DOCK3: variants seen among roughly 807,000 people sequenced by gnomAD.
DOCK3 encodes dedicator of cytokinesis 3.
DOCK3 carries 60 observed loss-of-function variants against 265.6 expected under a neutral mutation model. The observed-to-expected ratio is 0.23, with a 90% CI of 0.18 to 0.28. DOCK3 has a LOEUF of 0.28. Among genes scored for constraint, DOCK3 ranks in the 10% least tolerant of loss-of-function variants. DOCK3 has a pLI of 1.00. For missense variants in DOCK3, 1,981 were observed against 2,594.3 expected (o/e 0.76, Z 5.14); for synonymous variants, 881 against 938.0 (o/e 0.94, Z 1.11).
intron 1 of DOCK3, among the ~76,000 whole-genome samples, chr3:50,726,852 A>T (rs970820878): frequency 6.6e-6 from 1 of 152,218 alleles, no homozygotes; most frequent in Non-Finnish European, 1.5e-5. Context: ...TTTAACAAAA[A>T]AAATTGTGAG....
chr3:51,162,037 T>C (rs2107540620), intron 12 of DOCK3, among the ~76,000 whole-genome samples: 1 of 152,170 alleles, frequency 6.6e-6, no homozygotes, highest in Non-Finnish European at 1.5e-5. Flanking sequence ...TAGACACAAA[T>C]TGTAGTGCTA....
intron 12 of DOCK3, among the ~76,000 whole-genome samples, chr3:51,203,276 C>G (rs1576400227): frequency 6.6e-6 from 1 of 152,094 alleles, no homozygotes; most frequent in Non-Finnish European, 1.5e-5. Context: ...ACCCCATTGT[C>G]TCAGCCCAAA....
chr3:50,718,947 CTAATTTTT>C (rs2037302079), intron 1 of DOCK3, among the ~76,000 whole-genome samples: 1 of 151,904 alleles, frequency 6.6e-6, no homozygotes, highest in African/African-American at 2.4e-5. Flanking sequence ...CCATGCCCGG[CTAATTTTT>C]TGTATTTTTT....
intron 5 of DOCK3, among the ~76,000 whole-genome samples, chr3:50,942,763 T>C (rs2076329371): frequency 6.6e-6 from 1 of 152,024 alleles, no homozygotes; most frequent in Non-Finnish European, 1.5e-5. Flanking sequence ...GGAAAGCTTT[T>C]AGGTATGTTT....
intron 5 of DOCK3, among the ~76,000 whole-genome samples, chr3:50,944,395 G>A (rs1011583863): frequency 4.6e-5 from 7 of 152,124 alleles, no homozygotes; most frequent in Non-Finnish European, 8.8e-5. Flanking sequence ...TCTCAATACT[G>A]CACTTGACTG....
chr3:50,766,949 T>C (rs2040923291), intron 1 of DOCK3, among the ~76,000 whole-genome samples: 1 of 152,216 alleles, frequency 6.6e-6, no homozygotes, highest in South Asian at 2.1e-4. Context: ...TCATATCCTT[T>C]GCCCACTTTT....
intron 5 of DOCK3, among the ~76,000 whole-genome samples, chr3:50,974,511 G>A (rs1334911925): frequency 6.6e-6 from 1 of 151,776 alleles, no homozygotes. Context: ...CTCTGTTTTG[G>A]TACCAGTAGC....
At chr3:51,019,169 G>A (rs550069293) in intron 5 of DOCK3, among the ~76,000 whole-genome samples, 36 of 151,768 alleles carry the variant, frequency 2.4e-4, no homozygotes, top group African/African-American at 6.6e-4. Flanking sequence ...TATACCTAGC[G>A]CTTTTTATGT....
At chr3:51,262,017 G>A (rs192136953) in intron 23 of DOCK3, among the ~76,000 whole-genome samples, 112 of 152,298 alleles carry the variant, frequency 7.4e-4, no homozygotes, top group African/African-American at 2.4e-3. Flanking sequence ...CCTGCCTGCC[G>A]GCTCTGAAGG....
chr3:51,020,513 C>T (rs2079537275), intron 5 of DOCK3, among the ~76,000 whole-genome samples: 2 of 151,772 alleles, frequency 1.3e-5, no homozygotes, highest in Non-Finnish European at 1.5e-5. Context: ...TTTGCAATTG[C>T]TTTTAGTGTT....
chr3:51,065,580 A>G (rs2081562476), intron 6 of DOCK3, among the ~76,000 whole-genome samples: 1 of 152,218 alleles, frequency 6.6e-6, no homozygotes, highest in Non-Finnish European at 1.5e-5. Flanking sequence ...AGTCTACCCC[A>G]ATCAATGAGC....
intron 50 of DOCK3, among the ~76,000 whole-genome samples, 180 bp from the exon 51 acceptor site, chr3:51,375,568 C>G (rs2088041210): frequency 6.6e-6 from 1 of 152,192 alleles, no homozygotes. Context: ...ACCAGACACC[C>G]TGGACAGTCT....
intron 1 of DOCK3, among the ~76,000 whole-genome samples, chr3:50,702,373 CT>C (rs1222015591): frequency 1.3e-5 from 2 of 148,362 alleles, no homozygotes; most frequent in Non-Finnish European, 3.0e-5. Context: ...CTGATTTTTT[CT>C]TTTTTTTTAG....
At chr3:51,307,117 C>T (rs991184314) in intron 27 of DOCK3, among the ~76,000 whole-genome samples, 3 of 152,018 alleles carry the variant, frequency 2.0e-5, no homozygotes, top group Admixed American at 6.6e-5. Context: ...TTATTGGACT[C>T]ATTGCTTTTT....
intron 7 of DOCK3, among the ~76,000 whole-genome samples, chr3:51,084,875 A>G (rs2082365049): frequency 6.6e-6 from 1 of 152,226 alleles, no homozygotes; most frequent in African/African-American, 2.4e-5. Context: ...CAATTAAAAA[A>G]TATAGACTGC....
At chr3:51,288,984 G>C (rs1042011455) in intron 27 of DOCK3, among the ~76,000 whole-genome samples, 1 of 151,790 alleles carries the variant, frequency 6.6e-6, no homozygotes, top group African/African-American at 2.4e-5. Context: ...AGAGGAAAGG[G>C]AGTAGCCTGG....
chr3:51,352,627 G>A (rs2086078324), intron 40 of DOCK3, among the ~76,000 whole-genome samples: 4 of 152,194 alleles, frequency 2.6e-5, no homozygotes, highest in Admixed American at 1.3e-4. Context: ...CAATCTCAAC[G>A]AGAGGCATAA....
chr3:51,114,361 G>A (rs1320390495), intron 9 of DOCK3, among the ~76,000 whole-genome samples: 1 of 152,202 alleles, frequency 6.6e-6, no homozygotes, highest in Non-Finnish European at 1.5e-5. Context: ...AGCAGAGATA[G>A]GGTGAGGCAG....
In DOCK3 at chr3:51,381,272, C is replaced by T; in HGVS notation, c.5806C>T (p.His1936Tyr). The change falls in exon 53 of 53, where the codon CAC (histidine) becomes TAC (tyrosine). Residue 1936 changes from histidine to tyrosine, a missense_variant. Coordinates refer to ENST00000266037, the MANE Select transcript of DOCK3 (RefSeq NM_004947.5). The surrounding 1 kb of genome is among the most constrained non-coding windows in gnomAD (Gnocchi z 5.6). ...EDLEPPYLPVHYSLSESAVLD... is the reference protein window; with the variant it reads ...EDLEPPYLPVYYSLSESAVLD... ...TCTTGAGCCACCCTACCTCCCTGTCCACTACAGCCTCTCTGAGTCTGCCGT... is the reference window on the plus strand; with the variant it reads ...TCTTGAGCCACCCTACCTCCCTGTCTACTACAGCCTCTCTGAGTCTGCCGT... 6.2e-7 allele frequency: 1 copy of T among 1,613,860 alleles called. No homozygotes were observed. Among genetic ancestry groups the T allele is most frequent in the Admixed American group, 1.7e-5 (1 of 60,034 alleles).
Sources: gnomAD v4.1 joint callset for allele counts (sites outside exome capture counted in the v4.1 genomes callset) on GRCh38, gnomAD v4.1.1 for gene constraint, Gnocchi (gnomAD v3.1) non-coding constraint, MANE v1.5 for transcripts, NCBI Gene and HGNC (gene_info 2026-07-23, HGNC 2026-07-21) for gene names.